SPAG17: variants seen among roughly 807,000 people sequenced by gnomAD.
SPAG17 encodes sperm associated antigen 17.
In SPAG17, 169 loss-of-function variants were observed where a neutral mutation model predicts 273.6. The ratio of observed to expected loss-of-function variants is 0.62; its 90% CI spans 0.55 to 0.70. The LOEUF (loss-of-function observed/expected upper bound fraction) is 0.70, where lower values mean the gene tolerates loss of function less well. Among genes scored for constraint, SPAG17 ranks in the 30% least tolerant of loss-of-function variants. The pLI, the probability that SPAG17 is intolerant of heterozygous loss-of-function variation, is 0.00. For missense variants in SPAG17, 2,557 were observed against 2,627.8 expected, an observed-to-expected ratio of 0.97 and a Z score of 0.59; for synonymous variants, 825 against 873.2, an observed-to-expected ratio of 0.94 and a Z score of 0.97.
intron 22 of SPAG17, 141 bp from the exon 23 acceptor site, chr1:118,039,585 A>G (rs1367299309): frequency 7.4e-6 from 6 of 811,834 alleles, no homozygotes; most frequent in Non-Finnish European, 1.0e-5. Flanking sequence ...TAGGAATGGC[A>G]GCTAAACATT....
chr1:118,023,195 T>C (rs1392154400), intron 28 of SPAG17, 109 bp downstream of exon 28: 2 of 690,076 alleles, frequency 2.9e-6, no homozygotes, highest in Non-Finnish European at 4.4e-6. Flanking sequence ...TATATAAATA[T>C]ATTTGTAGAA....
At chr1:118,013,543 C>T (rs1018735386) in intron 29 of SPAG17, among the ~76,000 whole-genome samples, 6 of 152,102 alleles carry the variant, frequency 3.9e-5, no homozygotes, top group Non-Finnish European at 8.8e-5. Flanking sequence ...TGTTGCTTAA[C>T]CTGTTTGTTG....
intron 7 of SPAG17, among the ~76,000 whole-genome samples, chr1:118,096,945 G>C (rs770671796): frequency 6.6e-6 from 1 of 152,092 alleles, no homozygotes. Context: ...TTAAAAATAA[G>C]ATTTTGGGGC....
intron 28 of SPAG17, among the ~76,000 whole-genome samples, chr1:118,017,607 TGCTTTTGGCAGGA>T (rs1286296213): frequency 1.3e-5 from 2 of 152,180 alleles, no homozygotes; most frequent in African/African-American, 4.8e-5. Flanking sequence ...ATTAGTTACA[TGCTTTTGGCAGGA>T]AGATGCAAAA....
At chr1:118,069,237 C>T (rs912896491) in intron 17 of SPAG17, among the ~76,000 whole-genome samples, 3 of 151,226 alleles carry the variant, frequency 2.0e-5, no homozygotes, top group Non-Finnish European at 1.5e-5. Flanking sequence ...CCCAGCTACT[C>T]AGGAGGCTGA....
In SPAG17 at chr1:118,055,865, C is replaced by G; in HGVS notation, c.2590G>C (p.Glu864Gln). 1 of 1,611,960 alleles carries G rather than the reference C, an allele frequency of 6.2e-7. No homozygotes were observed. The highest frequency in any genetic ancestry group is 8.5e-7 in the Non-Finnish European group (1 of 1,179,348). Residue 864 changes from glutamate (E) to glutamine (Q), a missense_variant, in exon 19 of 49, where the codon GAA (glutamate) becomes CAA (glutamine). Glu to Gln is a conservative substitution (Grantham distance 29). Transcript: ENST00000336338. ...TTAGATTCCTGATATATAGCTTCTT[C>G]TTTTGTAATCCAATCTTGAATAGAT... ...AKSIQDWITK[E>Q]EAIYQESKMN...
In SPAG17 at chr1:118,036,986, A is replaced by G; in HGVS notation, c.3320-103T>C. Reference sequence around the variant, plus strand: ...GAATGGAGTTCATAGCTGCTCTACCACAATCAACTTAAAAAATAATTGGTT... The same window carrying G: ...GAATGGAGTTCATAGCTGCTCTACCGCAATCAACTTAAAAAATAATTGGTT... On this transcript the variant is annotated intron_variant, in intron 23 of 48. Transcript: ENST00000336338. 9 of 751,224 alleles carry G rather than the reference A, an allele frequency of 1.2e-5. 1 individual carries two copies. The highest frequency in any genetic ancestry group is 5.0e-5 in the Admixed American group (2 of 39,756). 46.5% of individuals were successfully genotyped at this position (751,224 alleles called of 1,614,324 possible). A position where few individuals can be genotyped will look rare whatever the true frequency, so the allele number is the denominator to read the frequency against.
intron 26 of SPAG17, among the ~76,000 whole-genome samples, chr1:118,026,976 T>G (rs993788267): frequency 4.6e-5 from 7 of 152,180 alleles, no homozygotes; most frequent in Non-Finnish European, 1.0e-4. Context: ...ATTAACTACA[T>G]TGTCTACCCT....
intron 31 of SPAG17, among the ~76,000 whole-genome samples, chr1:118,006,658 C>T (rs1202796180): frequency 6.6e-6 from 1 of 152,168 alleles, no homozygotes; most frequent in Non-Finnish European, 1.5e-5. Context: ...GAGGAAGTGC[C>T]AAGTTGTTTT....
intron 17 of SPAG17, among the ~76,000 whole-genome samples, chr1:118,071,161 T>C (rs776181645): frequency 3.8e-4 from 57 of 151,506 alleles, no homozygotes; most frequent in Admixed American, 4.6e-4. Flanking sequence ...CCACCTCATA[T>C]AGCACTTCCT....
At chr1:117,964,697 C>A (rs971171183) in intron 47 of SPAG17, 1 of 152,170 alleles carries the variant, frequency 6.6e-6, no homozygotes, top group Non-Finnish European at 1.5e-5. Context: ...TATTGTCTGT[C>A]CTCCCACTGG....
intron 15 of SPAG17, among the ~76,000 whole-genome samples, chr1:118,077,821 A>T (rs1308520626): frequency 6.6e-6 from 1 of 152,172 alleles, no homozygotes; most frequent in East Asian, 1.9e-4. Flanking sequence ...CATGAATGAG[A>T]CTAGGAGCAT....
In SPAG17 at chr1:118,086,654, A is replaced by G; in HGVS notation, c.1611+17T>C. 2 of 1,609,616 alleles carry G rather than the reference A, an allele frequency of 1.2e-6. No homozygotes were observed. Among genetic ancestry groups the G allele is most frequent in the South Asian group, 2.2e-5 (2 of 90,960 alleles). On this transcript the variant is annotated intron_variant, in intron 12 of 48. Coordinates refer to ENST00000336338, the MANE Select transcript of SPAG17 (RefSeq NM_206996.4). ...TTCCCACATCGGTTTTCCTTGGGCTAACCTGATTATTATTACCTGTAGTGC... is the reference window on the plus strand; with the variant it reads ...TTCCCACATCGGTTTTCCTTGGGCTGACCTGATTATTATTACCTGTAGTGC...
rs545726441 is a variant in SPAG17, at chr1:117,953,629, A to T, written c.*421T>A. The T allele has an allele frequency of 3.0e-5, 42 of 1,408,158 alleles. No individual in the cohort carries two copies. The African/African-American group carries it at 4.8e-4, about 16-fold the overall frequency. The allele number at this position is 1,408,158 out of a possible 1,614,324, so 87.2% of individuals were successfully genotyped here. A position where few individuals can be genotyped will look rare whatever the true frequency, so the allele number is the denominator to read the frequency against. ...TTTATTCTGTATCAACCAGAAAGCC[A>T]TTTTTTTGGCAAAAAGTTGATGAGA... On this transcript the variant is annotated 3_prime_UTR_variant, in exon 49 of 49. Coordinates refer to ENST00000336338, the MANE Select transcript of SPAG17 (RefSeq NM_206996.4).
chr1:118,017,950 A>G (rs1660136437), intron 28 of SPAG17, among the ~76,000 whole-genome samples: 1 of 152,196 alleles, frequency 6.6e-6, no homozygotes, highest in South Asian at 2.1e-4. Context: ...AGATACCAAT[A>G]ATTCCACTGA....
intron 39 of SPAG17, 69 bp from the exon 40 acceptor site, chr1:117,987,950 C>G: frequency 6.4e-7 from 1 of 1,552,252 alleles, no homozygotes; most frequent in Non-Finnish European, 8.9e-7. Context: ...AAACCAAAAA[C>G]CCTCACCACT....
intron 1 of SPAG17, among the ~76,000 whole-genome samples, chr1:118,176,768 A>G (rs1473648425): frequency 1.3e-5 from 2 of 152,198 alleles, no homozygotes; most frequent in Non-Finnish European, 2.9e-5. Context: ...AGCAGCACAC[A>G]GAACACTTTC....
At chr1:117,968,577 G>T (rs1235324117) in intron 46 of SPAG17, among the ~76,000 whole-genome samples, 2 of 152,180 alleles carry the variant, frequency 1.3e-5, no homozygotes, top group Non-Finnish European at 2.9e-5. Context: ...GCATATTACA[G>T]CTAGAAGGGG....
intron 43 of SPAG17, among the ~76,000 whole-genome samples, chr1:117,975,446 G>GT (rs112019475): frequency 9.9e-5 from 15 of 151,994 alleles, no homozygotes; most frequent in Non-Finnish European, 1.0e-4. Context: ...TAGTGTCTCT[G>GT]TTTTTTTTGC....
Sources: allele counts gnomAD v4.1 joint callset (sites outside exome capture counted in the v4.1 genomes callset), GRCh38; gene constraint gnomAD v4.1.1; transcripts MANE v1.5; gene names NCBI Gene and HGNC (gene_info 2026-07-23, HGNC 2026-07-21).